SNX24: variants seen among roughly 807,000 people sequenced by gnomAD.
The protein encoded by SNX24 is sorting nexin-24.
SNX24 carries 22 observed loss-of-function variants against 28.7 expected under a neutral mutation model. The ratio of observed to expected loss-of-function variants is 0.77; its 90% CI spans 0.55 to 1.10. The LOEUF (loss-of-function observed/expected upper bound fraction) is 1.10. Among genes scored for constraint, SNX24 ranks in the 50% least tolerant of loss-of-function variants. The pLI is 0.00. For synonymous variants in SNX24, 69 were observed against 71.5 expected, an observed-to-expected ratio of 0.96 and a Z score of 0.18; for missense variants, 221 against 201.1, an observed-to-expected ratio of 1.10 and a Z score of -0.60.
chr5:122,888,986 G>A (rs1756834546), intron 1 of SNX24, among the ~76,000 whole-genome samples: 1 of 152,008 alleles, frequency 6.6e-6, no homozygotes, highest in African/African-American at 2.4e-5. Context: ...TGAGTAGCTG[G>A]GATTTACAGG....
intron 1 of SNX24, among the ~76,000 whole-genome samples, chr5:122,919,631 G>C (rs540109004): frequency 1.3e-4 from 19 of 151,758 alleles, no homozygotes; most frequent in African/African-American, 4.6e-4. Flanking sequence ...GATTAACTCA[G>C]GATTTTTTAC....
chr5:122,944,667 G>A (rs1581780813), intron 2 of SNX24, among the ~76,000 whole-genome samples: 1 of 152,130 alleles, frequency 6.6e-6, no homozygotes, highest in Non-Finnish European at 1.5e-5. Context: ...TTCTCAGTGC[G>A]AGACTTCTAC....
At chr5:122,874,739 A>G (rs1330655528) in intron 1 of SNX24, among the ~76,000 whole-genome samples, 2 of 152,138 alleles carry the variant, frequency 1.3e-5, no homozygotes, top group East Asian at 3.9e-4. Flanking sequence ...TGAAGAGTGA[A>G]CTCTGGAGTT....
Position 122,861,823 on chromosome 5 carries a change from C to T in SNX24, c.60+16130C>T, listed in dbSNP as rs1260316158. Among the ~76,000 whole-genome samples the T allele has an allele frequency of 2.6e-5, 4 of 152,132 alleles. No individual in the cohort carries two copies. The East Asian group carries it at 7.7e-4, about 29-fold the overall frequency. On this transcript the variant is annotated intron_variant, in intron 1 of 6. Coordinates refer to ENST00000261369, the MANE Select transcript of SNX24 (RefSeq NM_014035.4). ...AAGAGCCAGTAGGTGAATTGAATCT[C>T]ACCAGCTGCCTTTTCTTAGTAGGGA...
chr5:122,942,992 T>A (rs1319202290), intron 2 of SNX24, among the ~76,000 whole-genome samples: 1 of 152,210 alleles, frequency 6.6e-6, no homozygotes, highest in Non-Finnish European at 1.5e-5. Flanking sequence ...GATTTTCTAT[T>A]CTGAAATATA....
rs528533151 is a variant in SNX24, at chr5:122,972,765, G to A, written c.249+26606G>A. On this transcript the variant is annotated intron_variant, in intron 3 of 6. Coordinates refer to ENST00000261369, the MANE Select transcript of SNX24 (RefSeq NM_014035.4). ...TCTGTTCTGGTAAGGACAAACCTCT[G>A]CCTTTTCCATGATGGAAGAGGTCCA... Among the ~76,000 whole-genome samples the A allele has an allele frequency of 1.7e-4, 26 of 152,306 alleles. 1 individual carries two copies. In the South Asian group the frequency reaches 5.4e-3, roughly 32 times the overall value.
At chr5:122,999,881 C>A (rs1448362041) in intron 3 of SNX24, 31 bp from the exon 4 acceptor site, 4 of 1,343,906 alleles carry the variant, frequency 3.0e-6, no homozygotes, top group East Asian at 2.3e-5. Context: ...AACTTCACTT[C>A]AGTTTCGAAT....
chr5:122,965,374 G>T, intron 3 of SNX24: 1 of 444,736 alleles, frequency 2.2e-6, no homozygotes, highest in South Asian at 1.6e-5. Flanking sequence ...GATAGCCTGA[G>T]TTTAAAGAGT....
intron 5 of SNX24, among the ~76,000 whole-genome samples, chr5:123,020,520 T>C (rs1762747562): frequency 6.6e-6 from 1 of 152,208 alleles, no homozygotes; most frequent in African/African-American, 2.4e-5. Flanking sequence ...GGGATGTGTG[T>C]TTTATAACCA....
intron 3 of SNX24, among the ~76,000 whole-genome samples, chr5:122,989,849 A>C (rs1365045927): frequency 1.3e-5 from 2 of 152,196 alleles, no homozygotes; most frequent in South Asian, 2.1e-4. Flanking sequence ...GCTAGGGTAC[A>C]TATGTTTTTC....
chr5:123,017,554 ATTCTTTTTGGCCAT>A (rs914813453), intron 5 of SNX24, among the ~76,000 whole-genome samples: 3 of 151,504 alleles, frequency 2.0e-5, no homozygotes, highest in African/African-American at 7.3e-5. Flanking sequence ...ATTTGAGCAT[ATTCTTTTTGGCCAT>A]TTTGATAGGG....
chr5:122,913,979 G>A (rs1476278276), intron 1 of SNX24, among the ~76,000 whole-genome samples: 1 of 152,166 alleles, frequency 6.6e-6, no homozygotes, highest in Non-Finnish European at 1.5e-5. Flanking sequence ...GCGTGGCGGC[G>A]CGCACCTGCA....
At chr5:122,879,967 T>C (rs1464178765) in intron 1 of SNX24, among the ~76,000 whole-genome samples, 1 of 152,224 alleles carries the variant, frequency 6.6e-6, no homozygotes, top group Non-Finnish European at 1.5e-5. Flanking sequence ...ATGTTTAGGG[T>C]ACTTTGAGTC....
chr5:123,018,967 G>A (rs1303948747), intron 5 of SNX24, among the ~76,000 whole-genome samples: 3 of 152,064 alleles, frequency 2.0e-5, no homozygotes, highest in Non-Finnish European at 2.9e-5. Context: ...TTACAGGCAT[G>A]AGCCACCGCG....
intron 5 of SNX24, chr5:123,025,918 G>A (rs1388944635): frequency 2.5e-6 from 4 of 1,611,772 alleles, no homozygotes; most frequent in East Asian, 4.5e-5. Flanking sequence ...ATGCCATAGT[G>A]CTTCAGCTTG....
rs183100252 is a variant in SNX24 at position 122,887,177 on chromosome 5, A to G, written c.60+41484A>G. Reference sequence around the variant, plus strand: ...TTAGACAGTTATCCTAACTGTACCTATACTCTGGGTGGAGAGTTTAGCTCC... The same window carrying G: ...TTAGACAGTTATCCTAACTGTACCTGTACTCTGGGTGGAGAGTTTAGCTCC... On this transcript the variant is annotated intron_variant, in intron 1 of 6. Transcript: ENST00000261369. 3.7e-3 allele frequency among the ~76,000 whole-genome samples: 571 copies of G among 152,308 alleles called. 4 individuals are homozygous for G. Among genetic ancestry groups the G allele is most frequent in the African/African-American group, 0.013 (525 of 41,568 alleles).
chr5:122,986,987 A>G (rs957151364), intron 3 of SNX24, among the ~76,000 whole-genome samples: 3 of 152,166 alleles, frequency 2.0e-5, no homozygotes, highest in African/African-American at 4.8e-5. Context: ...GAGCAGAGAT[A>G]TAGGAATTGG....
chr5:122,860,657 C>G (rs1206706611), intron 1 of SNX24, among the ~76,000 whole-genome samples: 2 of 152,144 alleles, frequency 1.3e-5, no homozygotes, highest in Non-Finnish European at 2.9e-5. Context: ...AGTGCAGTGG[C>G]ATGGTCTTAG....
chr5:122,976,378 G>C (rs1173364126), intron 3 of SNX24, among the ~76,000 whole-genome samples: 1 of 150,812 alleles, frequency 6.6e-6, no homozygotes, highest in Non-Finnish European at 1.5e-5. Context: ...TAAGAAACCT[G>C]TGTTATTTAT....
Sources: allele counts gnomAD v4.1 joint callset (sites outside exome capture counted in the v4.1 genomes callset), GRCh38; gene constraint gnomAD v4.1.1; transcripts MANE v1.5; gene names NCBI Gene and HGNC (gene_info 2026-07-23, HGNC 2026-07-21).